ALDH1A2: variants seen among roughly 807,000 people sequenced by gnomAD.
ALDH1A2 encodes aldehyde dehydrogenase 1 family member A2.
Under a neutral mutation model 60.3 loss-of-function variants are expected in ALDH1A2, and 27 were observed. The ratio of observed to expected loss-of-function variants is 0.45; its 90% CI spans 0.33 to 0.62. ALDH1A2 has a LOEUF of 0.62. Ranked by LOEUF, ALDH1A2 falls within the 20% of genes least tolerant of loss-of-function variation. ALDH1A2 has a pLI of 0.02. For missense variants in ALDH1A2, 581 were observed against 643.8 expected (o/e 0.90, Z 1.06); for synonymous variants, 289 against 232.4 (o/e 1.24, Z -2.21).
At chr15:58,005,268 A>AT (rs1895410888) in intron 4 of ALDH1A2, among the ~76,000 whole-genome samples, 1 of 151,998 alleles carries the variant, frequency 6.6e-6, no homozygotes, top group Admixed American at 6.6e-5. Context: ...TAATACTAGG[A>AT]GATGTCTCTC....
At chr15:58,065,264 TCA>T (rs1897147396) in intron 1 of ALDH1A2, 1 of 478,670 alleles carries the variant, frequency 2.1e-6, no homozygotes, top group Non-Finnish European at 3.8e-6. Flanking sequence ...GAAACCAGCC[TCA>T]GAGTCCGGGG....
chr15:58,010,558 A>G, intron 4 of ALDH1A2, 91 bp downstream of exon 4: 2 of 1,544,706 alleles, frequency 1.3e-6, no homozygotes, highest in Non-Finnish European at 8.9e-7. Context: ...TCATATCTGT[A>G]TTCTGTGTGA....
At chr15:57,990,305 G>GTGTGTATACGTATATACATA (rs1894850430) in intron 7 of ALDH1A2, 1 of 152,094 alleles carries the variant, frequency 6.6e-6, no homozygotes, top group African/African-American at 2.4e-5. Flanking sequence ...ACATATACGT[G>GTGTGTATACGTATATACATA]TGTGTATACG....
chr15:58,064,110 T>C lies in ALDH1A2; in HGVS notation c.117+1424A>G, dbSNP rs1329228608. Among the ~76,000 whole-genome samples, 14 of 145,090 alleles carry C rather than the reference T, an allele frequency of 9.6e-5. No individual in the cohort carries two copies. The East Asian group carries it at 2.8e-3, about 29-fold the overall frequency. On this transcript the variant is annotated intron_variant, in intron 1 of 12. Coordinates refer to ENST00000249750, the MANE Select transcript of ALDH1A2 (RefSeq NM_003888.4). Reference sequence around the variant, plus strand: ...TTAGGTCTTTTCTCCTGTGTAGATCTTCCATTTTAAGACCTTTAAAAAGAG... The same window carrying C: ...TTAGGTCTTTTCTCCTGTGTAGATCCTCCATTTTAAGACCTTTAAAAAGAG...
intron 1 of ALDH1A2, among the ~76,000 whole-genome samples, chr15:58,023,025 T>A (rs1391995696): frequency 6.6e-6 from 1 of 152,164 alleles, no homozygotes; most frequent in Admixed American, 6.5e-5. Context: ...AAATCCCAGA[T>A]AAAGAATTCA....
At chr15:58,023,500 C>T (rs1041519751) in intron 1 of ALDH1A2, among the ~76,000 whole-genome samples, 2 of 152,086 alleles carry the variant, frequency 1.3e-5, no homozygotes, top group African/African-American at 4.8e-5. Context: ...ATATTGTTAT[C>T]AGACTGTCTG....
At chr15:58,009,028 T>C (rs1473122348) in intron 4 of ALDH1A2, among the ~76,000 whole-genome samples, 2 of 152,098 alleles carry the variant, frequency 1.3e-5, no homozygotes, top group Non-Finnish European at 1.5e-5. Flanking sequence ...GAAAAACCTC[T>C]AGATGGAAGG....
At chr15:57,963,634 C>T (rs1246340530) in intron 9 of ALDH1A2, among the ~76,000 whole-genome samples, 5 of 152,248 alleles carry the variant, frequency 3.3e-5, no homozygotes, top group South Asian at 2.1e-4. Context: ...TGAGCCACTG[C>T]GCCCGGCCAG....
rs1287594136 is a variant in ALDH1A2, at chr15:57,953,948, G to T, written c.*1249C>A. ...GTGGAGTCACTGGAAAGCAGAAGAG[G>T]AGTATGTGGATGGGAAGAAAGGGAG... On this transcript the variant is annotated 3_prime_UTR_variant, in exon 13 of 13. Coordinates refer to ENST00000249750, the MANE Select transcript of ALDH1A2 (RefSeq NM_003888.4). The T allele has an allele frequency of 2.0e-5, 3 of 152,450 alleles. No individual in the cohort carries two copies. In the South Asian group the frequency reaches 6.2e-4, roughly 32 times the overall value. The allele number at this position is 152,450 out of a possible 1,614,324, so 9.4% of individuals were successfully genotyped here.
At chr15:58,030,927 A>C (rs2046677602) in intron 1 of ALDH1A2, among the ~76,000 whole-genome samples, 1 of 152,200 alleles carries the variant, frequency 6.6e-6, no homozygotes, top group South Asian at 2.1e-4. Flanking sequence ...GGATAGGAAG[A>C]ATCAATATTG....
At chr15:58,063,014 T>G (rs1318651456) in intron 1 of ALDH1A2, among the ~76,000 whole-genome samples, 1 of 152,130 alleles carries the variant, frequency 6.6e-6, no homozygotes, top group East Asian at 1.9e-4. Flanking sequence ...TTCCCTTTAT[T>G]AAAAATGTGA....
chr15:58,041,582 T>C (rs142992540), intron 1 of ALDH1A2, among the ~76,000 whole-genome samples: 37 of 152,044 alleles, frequency 2.4e-4, no homozygotes, highest in Admixed American at 1.3e-3. Context: ...TGGTGCATTC[T>C]TGCCATTTCC....
rs1894380543 is a variant in ALDH1A2 at position 57,979,005 on chromosome 15, A to G, written c.799-13178T>C. Among the ~76,000 whole-genome samples, 3 of 152,194 alleles carry G rather than the reference A, an allele frequency of 2.0e-5. No individual in the cohort carries two copies. The South Asian group carries it at 6.2e-4, about 31-fold the overall frequency. The stretch of plus-strand genomic sequence containing the variant: ...AGCCAAGATCATGCCACTGCACTCC[A>G]GACTGGGCAACAACTACTAAGAAAA... On this transcript the variant is annotated intron_variant, in intron 7 of 12. Coordinates refer to ENST00000249750, the MANE Select transcript of ALDH1A2 (RefSeq NM_003888.4).
intron 11 of ALDH1A2, 93 bp downstream of exon 11, chr15:57,961,028 ACTTTGGTTGCTTTTGG>A: frequency 6.8e-7 from 1 of 1,480,634 alleles, no homozygotes; most frequent in Non-Finnish European, 9.3e-7. Flanking sequence ...TTTCTGGTGA[ACTTTGGTTGCTTTTGG>A]TATTCCCCAT....
At chr15:57,974,091 A>C (rs1206802566) in intron 7 of ALDH1A2, among the ~76,000 whole-genome samples, 1 of 152,172 alleles carries the variant, frequency 6.6e-6, no homozygotes, top group African/African-American at 2.4e-5. Flanking sequence ...AAATAATGTG[A>C]TACTTGCGAT....
intron 12 of ALDH1A2, among the ~76,000 whole-genome samples, chr15:57,955,485 CTTTAAAGTTTTTTAAAGTAGT>C (rs1373475542): frequency 1.3e-5 from 2 of 152,086 alleles, no homozygotes; most frequent in African/African-American, 2.4e-5. Flanking sequence ...TTTTTTAAAA[CTTTAAAGTTTTTTAAAGTAGT>C]TTTAAAGTTA....
At chr15:57,960,637 G>A (rs1033278085) in intron 12 of ALDH1A2, 133 bp downstream of exon 12, 2 of 758,814 alleles carry the variant, frequency 2.6e-6, no homozygotes, top group Admixed American at 2.1e-5. Flanking sequence ...TTAGCTTATA[G>A]TAGCATGTGC....
At chr15:58,023,821 G>A (rs1019818870) in intron 1 of ALDH1A2, among the ~76,000 whole-genome samples, 1 of 152,192 alleles carries the variant, frequency 6.6e-6, no homozygotes, top group Non-Finnish European at 1.5e-5. Context: ...GCTGGGCAGG[G>A]TGGTGCATGC....
At chr15:57,985,968 C>G (rs542486945) in intron 7 of ALDH1A2, among the ~76,000 whole-genome samples, 2 of 152,080 alleles carry the variant, frequency 1.3e-5, no homozygotes, top group Admixed American at 1.3e-4. Context: ...GGTTGTATTC[C>G]TAATACTTTG....
Sources: gnomAD v4.1 joint callset for allele counts (sites outside exome capture counted in the v4.1 genomes callset) on GRCh38, gnomAD v4.1.1 for gene constraint, MANE v1.5 for transcripts, NCBI Gene and HGNC (gene_info 2026-07-23, HGNC 2026-07-21) for gene names.